The following KCNU1 variants were observed in gnomAD, a reference collection of about 807,000 sequenced individuals.
The protein encoded by KCNU1 is potassium channel subfamily U member 1.
Under a neutral mutation model 126.8 loss-of-function variants are expected in KCNU1, and 93 were observed. The ratio of observed to expected loss-of-function variants is 0.73; its 90% CI spans 0.62 to 0.87. KCNU1 has a LOEUF of 0.87. KCNU1 is among the 40% of genes least tolerant of loss of function. The probability of loss-of-function intolerance (pLI) is 0.00; values close to 1 mark genes in which losing one functional copy is unlikely to be tolerated. For missense variants in KCNU1, 1,330 were observed against 1,367.1 expected, an observed-to-expected ratio of 0.97 and a Z score of 0.43; for synonymous variants, 523 against 494.2, an observed-to-expected ratio of 1.06 and a Z score of -0.77.
At chr8:36,873,949 C>T (rs1398827517) in intron 19 of KCNU1, among the ~76,000 whole-genome samples, 1 of 152,090 alleles carries the variant, frequency 6.6e-6, no homozygotes, top group Non-Finnish European at 1.5e-5. Flanking sequence ...TTGCAACCTG[C>T]TGAAATATCA....
chr8:36,922,677 A>C (rs1808400904), intron 24 of KCNU1, 48 bp downstream of exon 24: 2 of 1,585,356 alleles, frequency 1.3e-6, no homozygotes, highest in Admixed American at 1.8e-5. Flanking sequence ...CCCTCTGCAG[A>C]GAAGTGAACA....
intron 19 of KCNU1, among the ~76,000 whole-genome samples, chr8:36,885,952 A>G (rs1441516556): frequency 6.6e-6 from 1 of 152,210 alleles, no homozygotes; most frequent in Non-Finnish European, 1.5e-5. Context: ...AAGGAGAAAC[A>G]TGGGGAGTTA....
chr8:36,866,013 C>T (rs1428055396), intron 19 of KCNU1, among the ~76,000 whole-genome samples: 1 of 151,946 alleles, frequency 6.6e-6, no homozygotes, highest in East Asian at 1.9e-4. Flanking sequence ...TGGTGGTTTT[C>T]AGAAGTGGTG....
intron 10 of KCNU1, among the ~76,000 whole-genome samples, chr8:36,823,138 G>A (rs972161704): frequency 2.6e-5 from 4 of 152,148 alleles, no homozygotes; most frequent in African/African-American, 9.7e-5. Flanking sequence ...GCATTCAGAA[G>A]AAAGTACCAT....
At chr8:36,803,053 A>G (rs1362779376) in intron 2 of KCNU1, among the ~76,000 whole-genome samples, 1 of 152,180 alleles carries the variant, frequency 6.6e-6, no homozygotes, top group Admixed American at 6.5e-5. Flanking sequence ...AACACCAGTC[A>G]GAGAAGCAAG....
chr8:36,852,850 T>C (rs1162295110), intron 18 of KCNU1, among the ~76,000 whole-genome samples: 2 of 152,300 alleles, frequency 1.3e-5, no homozygotes, highest in African/African-American at 4.8e-5. Context: ...TCTATTTTGT[T>C]GATCTTTTCA....
In KCNU1 at chr8:36,836,950, C is replaced by A. The variant is rs368898747; in HGVS notation, c.1518+5C>A. On this transcript the variant is annotated splice_donor_5th_base_variant and intron_variant, in intron 14 of 26. Transcript: ENST00000399881. ...TTTGTGGAGCAAAACAAAAAGGTAACCTTGTAAATTACTGTTGATTCTTGG... is the reference window on the plus strand; with the variant it reads ...TTTGTGGAGCAAAACAAAAAGGTAAACTTGTAAATTACTGTTGATTCTTGG... 6.2e-7 allele frequency: 1 copy of A among 1,613,328 alleles called. No homozygotes were observed. Among genetic ancestry groups the A allele is most frequent in the Non-Finnish European group, 8.5e-7 (1 of 1,179,428 alleles).
At position 36,841,055 on chromosome 8, in the gene KCNU1, TTC is replaced by T. The variant is rs371194536; in HGVS notation, c.1703+53_1703+54del. ...AGTTGTTTTTTTTTTTTTTTTTTTT[TTC>T]CTGGAGATTCTTTGTGATTAAGAAT... On this transcript the variant is annotated intron_variant, in intron 16 of 26. Transcript: ENST00000399881. The T allele has an allele frequency of 2.7e-3, 3,036 of 1,116,958 alleles. 54 individuals are homozygous for T. The African/African-American group carries it at 0.038, about 14-fold the overall frequency. 69.2% of individuals were successfully genotyped at this position (1,116,958 alleles called of 1,614,324 possible).
Position 36,887,582 on chromosome 8 carries a change from C to T in KCNU1, c.2010-18126C>T, listed in dbSNP as rs147924069. On this transcript the variant is annotated intron_variant, in intron 19 of 26. Coordinates refer to ENST00000399881, the MANE Select transcript of KCNU1 (RefSeq NM_001031836.3). ...TTCTGGAAACCGGCCAGAACCAATC[C>T]ATGGTTGATGGTCTTCTTATCTGTA... Among the ~76,000 whole-genome samples the T allele has an allele frequency of 6.2e-3, 941 of 151,926 alleles. 11 individuals carry two copies. Among genetic ancestry groups the T allele is most frequent in the Non-Finnish European group, 5.4e-3 (368 of 67,974 alleles).
intron 18 of KCNU1, among the ~76,000 whole-genome samples, chr8:36,858,680 G>A (rs1805621605): frequency 6.6e-6 from 1 of 152,092 alleles, no homozygotes; most frequent in African/African-American, 2.4e-5. Flanking sequence ...TGACTTTTAT[G>A]ACTTTACTAT....
chr8:36,903,667 G>T (rs543233262), intron 19 of KCNU1, among the ~76,000 whole-genome samples: 1 of 152,144 alleles, frequency 6.6e-6, no homozygotes, highest in East Asian at 1.9e-4. Flanking sequence ...TCTTTCACAG[G>T]CCAAAGTGCA....
chr8:36,789,972 A>C (rs1802846931), intron 2 of KCNU1, among the ~76,000 whole-genome samples: 1 of 152,182 alleles, frequency 6.6e-6, no homozygotes, highest in Non-Finnish European at 1.5e-5. Context: ...ATTCATAGGG[A>C]AGAGCTACAA....
chr8:36,913,561 A>C (rs1405644561), intron 22 of KCNU1, among the ~76,000 whole-genome samples: 1 of 151,758 alleles, frequency 6.6e-6, no homozygotes, highest in Non-Finnish European at 1.5e-5. Context: ...TGAAGGCATC[A>C]GGTCTGCTTA....
intron 18 of KCNU1, among the ~76,000 whole-genome samples, chr8:36,859,963 C>A (rs1437242844): frequency 6.6e-6 from 1 of 152,030 alleles, no homozygotes; most frequent in African/African-American, 2.4e-5. Context: ...ATTATGCCAC[C>A]CATGGGAGCA....
intron 8 of KCNU1, 72 bp from the exon 9 acceptor site, chr8:36,815,524 C>G: frequency 1.4e-6 from 1 of 735,294 alleles, no homozygotes; most frequent in Non-Finnish European, 2.2e-6. Context: ...CTTTTCCTTT[C>G]TAATCTTGAA....
rs1803825953 is a variant in KCNU1 at position 36,814,193 on chromosome 8, CTCTCTT to C, written c.733-12_733-7del. Reference sequence around the variant, plus strand: ...TCTATTCAGATGTTTCCTGAGTCTTCTCTCTTTGGACAGGTGGAAAATTCTGGTGAT... The same window carrying C: ...TCTATTCAGATGTTTCCTGAGTCTTCTGGACAGGTGGAAAATTCTGGTGAT... On this transcript the variant is annotated splice_region_variant and splice_polypyrimidine_tract_variant and intron_variant, in intron 7 of 26. Transcript: ENST00000399881. The C allele has an allele frequency of 6.2e-7, 1 of 1,607,590 alleles. No individual in the cohort carries two copies. The highest frequency in any genetic ancestry group is 1.3e-5 in the African/African-American group (1 of 74,740).
chr8:36,787,773 AATT>A (rs1179586944), intron 2 of KCNU1, among the ~76,000 whole-genome samples: 1 of 147,862 alleles, frequency 6.8e-6, no homozygotes, highest in East Asian at 1.9e-4. Context: ...AATATTATAT[AATT>A]ATTAGTAATT....
intron 9 of KCNU1, among the ~76,000 whole-genome samples, chr8:36,816,094 A>G (rs553338406): frequency 1.5e-5 from 2 of 134,792 alleles, no homozygotes; most frequent in South Asian, 4.7e-4. Flanking sequence ...CATGATTCCA[A>G]TTTAAAATAA....
intron 2 of KCNU1, among the ~76,000 whole-genome samples, chr8:36,801,685 TAC>T (rs1052045379): frequency 6.6e-6 from 1 of 152,090 alleles, no homozygotes. Flanking sequence ...TGTGTATATA[TAC>T]ACACACATAT....
Sources: allele counts gnomAD v4.1 joint callset (sites outside exome capture counted in the v4.1 genomes callset), GRCh38; gene constraint gnomAD v4.1.1; transcripts MANE v1.5; gene names NCBI Gene and HGNC (gene_info 2026-07-23, HGNC 2026-07-21).